LAIR1: variants seen among roughly 807,000 people sequenced by gnomAD.
LAIR1 encodes the protein leukocyte associated immunoglobulin like receptor 1.
In LAIR1, 24 loss-of-function variants were observed where a neutral mutation model predicts 32.8. The ratio of observed to expected loss-of-function variants is 0.73; its 90% CI spans 0.53 to 1.03. LAIR1 has a LOEUF of 1.03. Ranked by LOEUF, LAIR1 falls within the 50% of genes least tolerant of loss-of-function variation. LAIR1 has a pLI of 0.00. For synonymous variants in LAIR1, 150 were observed against 140.5 expected, an observed-to-expected ratio of 1.07 and a Z score of -0.48; for missense variants, 355 against 347.5, an observed-to-expected ratio of 1.02 and a Z score of -0.17.
At chr19:54,357,046 T>C in intron 4 of LAIR1, 80 bp from the exon 5 acceptor site, 1 of 1,361,470 alleles carries the variant, frequency 7.3e-7, no homozygotes, top group Non-Finnish European at 1.0e-6. Context: ...CCACATCCAC[T>C]GTGGGGATCT....
At chr19:54,373,375 C>T (rs560886234), upstream of LAIR1, among the ~76,000 whole-genome samples, 5 of 150,854 alleles carry the variant, frequency 3.3e-5, no homozygotes, top group African/African-American at 1.2e-4. Context: ...ACCCGGGAGG[C>T]GGAGCTTGCA....
rs565554606 is a variant in LAIR1 at position 54,363,389 on chromosome 19, C to T, written c.70+906G>A. ...GTCATGTTCCCCGCCAAGAAGCTGC[C>T]GAGTGAAGTGTGGGCTCGTCTGGGG... On this transcript the variant is annotated intron_variant, in intron 2 of 9. Transcript: ENST00000391742. Among the ~76,000 whole-genome samples, 122 of 151,942 alleles carry T rather than the reference C, an allele frequency of 8.0e-4. 1 individual carries two copies. Among genetic ancestry groups the T allele is most frequent in the African/African-American group, 2.8e-3 (115 of 41,408 alleles).
In LAIR1 at chr19:54,356,512, G is replaced by T. The variant is rs113241416; in HGVS notation, c.562C>A (p.Arg188Ser). 4,098 of 1,613,962 alleles carry T rather than the reference G, an allele frequency of 2.5e-3. 74 individuals are homozygous for T. The African/African-American group carries it at 0.037, about 15-fold the overall frequency. Residue 188 changes from arginine to serine, a missense_variant, in exon 6 of 10, where the codon CGC becomes AGC. Physicochemically the swap from Arg to Ser is moderately radical, Grantham distance 110 (BLOSUM62 -1). Coordinates refer to ENST00000391742, the MANE Select transcript of LAIR1 (RefSeq NM_002287.6). ...CTACCCTGCTTTATCTGATTCTGGC[G>T]ATGGAGGCAGAAGAGGACCAGGAGG... ...LLLLVLFCLH[R>S]QNQIKQGPPR...
chr19:54,355,043 C>A lies in LAIR1; in HGVS notation c.*225G>T. On this transcript the variant is annotated 3_prime_UTR_variant, in exon 10 of 10. Transcript: ENST00000391742. This position sits in a 1 kb window ranked among gnomAD's most constrained non-coding sequence, Gnocchi z 4.7. ...TGGGTCTCTGGAAATAACTGAGAAACAGTCTGTCCAAGGAGCTGCTCGATT... is the reference window on the plus strand; with the variant it reads ...TGGGTCTCTGGAAATAACTGAGAAAAAGTCTGTCCAAGGAGCTGCTCGATT... The A allele has an allele frequency of 2.4e-6, 1 of 420,016 alleles. No homozygotes were observed. The highest frequency in any genetic ancestry group is 4.2e-6 in the Non-Finnish European group (1 of 237,236). 26.0% of individuals were successfully genotyped at this position (420,016 alleles called of 1,614,324 possible).
rs754568622 is a variant in LAIR1 at position 54,360,946 on chromosome 19, G to A, written c.334C>T (p.Gln112Ter). Reference protein sequence around the residue: ...IYYKPPKWSEQSDYLELLVKE... With the variant: ...IYYKPPKWSE ...ACCAGCAGCTCCAGGTAGTCACTCTGCTCAGACCATTTAGGGGGCTTATAA... is the reference window on the plus strand; with the variant it reads ...ACCAGCAGCTCCAGGTAGTCACTCTACTCAGACCATTTAGGGGGCTTATAA... Residue 112 changes from glutamine to a stop codon, truncating the protein, a stop_gained, in exon 3 of 10, where the codon CAG becomes TAG. Coordinates refer to ENST00000391742, the MANE Select transcript of LAIR1 (RefSeq NM_002287.6). LOFTEE classifies it high-confidence loss of function. 2 of 1,614,162 alleles carry A rather than the reference G, an allele frequency of 1.2e-6. No individual in the cohort carries two copies. Among genetic ancestry groups the A allele is most frequent in the Non-Finnish European group, 1.7e-6 (2 of 1,180,026 alleles).
At chr19:54,356,462 G>A in intron 6 of LAIR1, 29 bp downstream of exon 6, 1 of 1,612,948 alleles carries the variant, frequency 6.2e-7, no homozygotes, top group South Asian at 1.1e-5. Context: ...CAGCTTCCCA[G>A]GTCACCCCAC....
chr19:54,360,871 G>A (rs113031843), intron 3 of LAIR1, 45 bp downstream of exon 3: 1,393 of 1,577,330 alleles, frequency 8.8e-4, no homozygotes, highest in Non-Finnish European at 1.1e-3. Context: ...GGACAAGCTC[G>A]AGGGTCGAGC....
chr19:54,365,973 G>A (rs191739054), upstream of LAIR1, among the ~76,000 whole-genome samples: 211 of 152,268 alleles, frequency 1.4e-3, 1 homozygote, highest in South Asian at 0.024. Context: ...TGCCATGGGC[G>A]ACAACACGGA....
At chr19:54,358,487 G>C in intron 4 of LAIR1, 1 of 1,511,502 alleles carries the variant, frequency 6.6e-7, no homozygotes. Flanking sequence ...ATTTTTATCT[G>C]TATATGCATG....
intron 4 of LAIR1, chr19:54,357,278 A>AC: frequency 2.4e-6 from 1 of 411,330 alleles, no homozygotes; most frequent in Non-Finnish European, 4.4e-6. Flanking sequence ...TCCCTACTGG[A>AC]CGGTGCAGAT....
chr19:54,352,766 C>G lies in LAIR1; in HGVS notation c.*2502G>C, dbSNP rs1453497160. On this transcript the variant is annotated 3_prime_UTR_variant, in exon 10 of 10. Coordinates refer to ENST00000391742, the MANE Select transcript of LAIR1 (RefSeq NM_002287.6). ...TTCTGCTATAGAGTTCATGTACCCA[C>G]CTGTCAACCTCATAGTCAAACAAAC... The G allele has an allele frequency of 6.5e-6, 1 of 153,242 alleles. No homozygotes were observed. The highest frequency in any genetic ancestry group is 1.5e-5 in the Non-Finnish European group (1 of 68,074). The allele number at this position is 153,242 out of a possible 1,614,324, so 9.5% of individuals were successfully genotyped here.
In LAIR1 at chr19:54,362,287, C is replaced by A. The variant is rs566103975; in HGVS notation, c.71-1078G>T. Among the ~76,000 whole-genome samples, 13 of 152,284 alleles carry A rather than the reference C, an allele frequency of 8.5e-5. No individual in the cohort carries two copies. In the South Asian group the frequency reaches 2.5e-3, roughly 29 times the overall value. ...TTCCTGTCTAGACGAAATTTTCTATCCTTTGACCAGCATCTCCCCAAACCC... is the reference window on the plus strand; with the variant it reads ...TTCCTGTCTAGACGAAATTTTCTATACTTTGACCAGCATCTCCCCAAACCC... On this transcript the variant is annotated intron_variant, in intron 2 of 9. Transcript: ENST00000391742.
chr19:54,355,358 G>C lies in LAIR1; in HGVS notation c.774C>G (p.Ala258=). Residue 258 remains alanine, a synonymous_variant, in exon 10 of 10, where the codon GCC becomes GCG. Transcript: ENST00000391742. The surrounding 1 kb of genome is among the most constrained non-coding windows in gnomAD (Gnocchi z 4.7). The part of the protein sequence containing the change: ...EVTYAQLDHW[A]LTQRTARAVS... ...CAGCCCGGGCTGTCCTCTGTGTGAG[G>C]GCCCAGTGGTCCAGCTGAGCATACG... 1.2e-6 allele frequency: 2 copies of C among 1,613,232 alleles called. No individual in the cohort carries two copies. Among genetic ancestry groups the C allele is most frequent in the Non-Finnish European group, 1.7e-6 (2 of 1,179,526 alleles).
Position 54,356,918 on chromosome 19 carries a change from C to T in LAIR1, c.454+10G>A. 3 of 1,613,906 alleles carry T rather than the reference C, an allele frequency of 1.9e-6. No homozygotes were observed. The highest frequency in any genetic ancestry group is 2.5e-6 in the Non-Finnish European group (3 of 1,179,922). On this transcript the variant is annotated intron_variant, in intron 5 of 9. Coordinates refer to ENST00000391742, the MANE Select transcript of LAIR1 (RefSeq NM_002287.6). Reference sequence around the variant, plus strand: ...CACCAGCTTCATGCTCCACGGCCCCCATCACTCACGCTCATTGTGACTGTT... The same window carrying T: ...CACCAGCTTCATGCTCCACGGCCCCTATCACTCACGCTCATTGTGACTGTT...
At chr19:54,357,133 T>C in intron 4 of LAIR1, 167 bp from the exon 5 acceptor site, 1 of 603,932 alleles carries the variant, frequency 1.7e-6, no homozygotes, top group Non-Finnish European at 3.0e-6. Context: ...TGATGGAAAC[T>C]TTCTACATCT....
At position 54,364,608 on chromosome 19, in the gene LAIR1, T is replaced by G. The variant is rs544283991; in HGVS notation, c.34+163A>C. ...GGGCCCCTGTTTTTAGGACAAGATC[T>G]TCTCTGATCAGACTTAGGCCCCAGG... On this transcript the variant is annotated intron_variant, in intron 1 of 9. Coordinates refer to ENST00000391742, the MANE Select transcript of LAIR1 (RefSeq NM_002287.6). The surrounding 1 kb of genome is among the most constrained non-coding windows in gnomAD (Gnocchi z 4.8). 6.3e-5 allele frequency: 53 copies of G among 844,964 alleles called. No individual in the cohort carries two copies. Among genetic ancestry groups the G allele is most frequent in the South Asian group, 9.5e-5 (7 of 73,806 alleles). 52.3% of individuals were successfully genotyped at this position (844,964 alleles called of 1,614,324 possible).
chr19:54,355,399 T>C lies in LAIR1; in HGVS notation c.733A>G (p.Ser245Gly), dbSNP rs1267378999. The change falls in exon 10 of 10, where the codon AGT becomes GGT. Residue 245 changes from serine (S) to glycine (G), a missense_variant. Transcript: ENST00000391742. This position sits in a 1 kb window ranked among gnomAD's most constrained non-coding sequence, Gnocchi z 4.7. ...TGAGCATACGTCACCTCCTGGGAAC[T>C]CCCTGCAGCCAGGGCCTAAGAGGGA... ...ETDTSALAAGSSQEVTYAQLD... is the reference protein window; with the variant it reads ...ETDTSALAAGGSQEVTYAQLD... The C allele has an allele frequency of 1.9e-6, 3 of 1,607,868 alleles. 1 individual carries two copies. Among genetic ancestry groups the C allele is most frequent in the South Asian group, 2.2e-5 (2 of 90,290 alleles).
chr19:54,363,617 T>TA (rs1434015817), intron 2 of LAIR1, among the ~76,000 whole-genome samples: 5 of 152,128 alleles, frequency 3.3e-5, no homozygotes, highest in Non-Finnish European at 5.9e-5. Context: ...TATTCAGCCC[T>TA]AAAAAAGGAA....
chr19:54,373,176 C>A (rs1016091398), upstream of LAIR1, among the ~76,000 whole-genome samples: 9 of 151,072 alleles, frequency 6.0e-5, no homozygotes, highest in Non-Finnish European at 1.0e-4. Flanking sequence ...GGTGTGGTGG[C>A]TCACGCCTGT....
Sources: allele counts gnomAD v4.1 joint callset (sites outside exome capture counted in the v4.1 genomes callset), GRCh38; gene constraint gnomAD v4.1.1; non-coding constraint Gnocchi (gnomAD v3.1); transcripts MANE v1.5; gene names NCBI Gene and HGNC (gene_info 2026-07-23, HGNC 2026-07-21).